ATRNL1: variants seen among roughly 807,000 people sequenced by gnomAD.
ATRNL1 encodes the protein attractin-like protein 1.
A neutral mutation model predicts 182.7 loss-of-function variants in ATRNL1; 95 were observed. That is an observed-to-expected ratio of 0.52 (90% CI 0.44 to 0.62). The LOEUF is 0.62. Ranked by LOEUF, ATRNL1 falls within the 20% of genes least tolerant of loss-of-function variation. The probability of loss-of-function intolerance (pLI) is 0.00; values close to 1 mark genes in which losing one functional copy is unlikely to be tolerated. For missense variants in ATRNL1, 1,471 were observed against 1,679.5 expected, an observed-to-expected ratio of 0.88 and a Z score of 2.17; for synonymous variants, 576 against 568.3, an observed-to-expected ratio of 1.01 and a Z score of -0.19.
intron 28 of ATRNL1, among the ~76,000 whole-genome samples, chr10:115,854,727 A>C (rs935924847): frequency 2.0e-5 from 3 of 152,178 alleles, no homozygotes; most frequent in Non-Finnish European, 4.4e-5. Flanking sequence ...AGAATGGCTC[A>C]AGTTTGAAAC....
intron 27 of ATRNL1, among the ~76,000 whole-genome samples, chr10:115,841,614 CA>C (rs1161863920): frequency 1.3e-5 from 2 of 152,064 alleles, no homozygotes; most frequent in Non-Finnish European, 2.9e-5. Flanking sequence ...GCTTCTAATG[CA>C]ATTTAACCCT....
intron 21 of ATRNL1, among the ~76,000 whole-genome samples, chr10:115,453,125 T>A (rs527315444): frequency 1.3e-5 from 2 of 152,300 alleles, no homozygotes; most frequent in South Asian, 4.1e-4. Flanking sequence ...CCATGTCTTG[T>A]CTATTGAGAA....
At chr10:115,204,074 C>CT (rs752335173) in intron 8 of ATRNL1, among the ~76,000 whole-genome samples, 3 of 151,652 alleles carry the variant, frequency 2.0e-5, no homozygotes, top group Admixed American at 6.6e-5. Context: ...GTAAAGGGAT[C>CT]TTTTTTGGTT....
chr10:115,379,477 G>A (rs1288983052), intron 19 of ATRNL1, among the ~76,000 whole-genome samples: 1 of 152,158 alleles, frequency 6.6e-6, no homozygotes, highest in Non-Finnish European at 1.5e-5. Context: ...AATGTGGCAA[G>A]CATAACTAGT....
At chr10:115,582,472 G>A (rs1195208361) in intron 26 of ATRNL1, among the ~76,000 whole-genome samples, 1 of 132,968 alleles carries the variant, frequency 7.5e-6, no homozygotes, top group Non-Finnish European at 1.6e-5. Context: ...TTGTGGTTTT[G>A]ATTTGCATTT....
intron 28 of ATRNL1, among the ~76,000 whole-genome samples, chr10:115,872,786 G>A (rs1555106402): frequency 6.6e-6 from 1 of 152,204 alleles, no homozygotes; most frequent in Non-Finnish European, 1.5e-5. Flanking sequence ...TGTAAATCAG[G>A]CAGATGCTTC....
At chr10:115,672,686 T>TA (rs1164279250) in intron 26 of ATRNL1, among the ~76,000 whole-genome samples, 1 of 152,026 alleles carries the variant, frequency 6.6e-6, no homozygotes, top group Non-Finnish European at 1.5e-5. Flanking sequence ...TGCTTATTAC[T>TA]AAAAAAAGAT....
intron 13 of ATRNL1, among the ~76,000 whole-genome samples, chr10:115,273,560 C>T (rs1350682435): frequency 6.6e-6 from 1 of 152,138 alleles, no homozygotes; most frequent in Non-Finnish European, 1.5e-5. Flanking sequence ...ACAGAATAAA[C>T]ATTGAGAAGC....
intron 21 of ATRNL1, among the ~76,000 whole-genome samples, chr10:115,428,904 C>T (rs1163754677): frequency 6.6e-6 from 1 of 152,054 alleles, no homozygotes; most frequent in Non-Finnish European, 1.5e-5. Flanking sequence ...TGCTTAACTA[C>T]TTTAGAAACT....
intron 25 of ATRNL1, among the ~76,000 whole-genome samples, chr10:115,542,882 G>A (rs1460785406): frequency 2.0e-5 from 3 of 152,134 alleles, no homozygotes; most frequent in Non-Finnish European, 4.4e-5. Context: ...CTCCATGCAT[G>A]CAGGAAGAGA....
rs986954332 is a variant in ATRNL1 at position 115,705,255 on chromosome 10, T to C, written c.3796-21993T>C. 3.9e-5 allele frequency among the ~76,000 whole-genome samples: 6 copies of C among 151,970 alleles called. No individual in the cohort carries two copies. In the South Asian group the frequency reaches 1.0e-3, roughly 26 times the overall value. On this transcript the variant is annotated intron_variant, in intron 26 of 28. Transcript: ENST00000355044. ...AGAACTAAAAATACTGTCTGTATGCTTCTATTTTTCAAGCACAAGTACACA... is the reference window on the plus strand; with the variant it reads ...AGAACTAAAAATACTGTCTGTATGCCTCTATTTTTCAAGCACAAGTACACA...
At chr10:115,770,849 C>T (rs1162219788) in intron 27 of ATRNL1, among the ~76,000 whole-genome samples, 2 of 152,084 alleles carry the variant, frequency 1.3e-5, no homozygotes, top group East Asian at 3.8e-4. Flanking sequence ...GATAGATTTT[C>T]TCATTATACC....
At chr10:115,477,258 A>G (rs549092820) in intron 24 of ATRNL1, among the ~76,000 whole-genome samples, 2 of 151,724 alleles carry the variant, frequency 1.3e-5, no homozygotes, top group South Asian at 4.1e-4. Flanking sequence ...GAAATCGTGC[A>G]TGACTAACAA....
At position 115,727,344 on chromosome 10, in the gene ATRNL1, G is replaced by A. The variant is rs782090354; in HGVS notation, c.3892G>A (p.Gly1298Arg). The A allele has an allele frequency of 6.8e-6, 11 of 1,613,782 alleles. No individual in the cohort carries two copies. Among genetic ancestry groups the A allele is most frequent in the South Asian group, 1.1e-5 (1 of 91,040 alleles). Residue 1298 changes from glycine to arginine, a missense_variant, in exon 27 of 29, where the codon GGG becomes AGG. By Grantham distance (125) the Gly-to-Arg change is moderately radical. This residue lies in a region of ATRNL1 where 437 missense variants were observed against 506.0 expected (regional missense o/e 0.86). Transcript: ENST00000355044. Reference sequence around the variant, plus strand: ...AGCTGAACAAACAGAGTTTCTGCGAGGGCCATTAGAGGTAGGAACAGCGGT... The same window carrying A: ...AGCTGAACAAACAGAGTTTCTGCGAAGGCCATTAGAGGTAGGAACAGCGGT... ...VGAEQTEFLR[G>R]PLEGAPKPIA...
At chr10:115,874,763 A>C (rs371375566) in intron 28 of ATRNL1, among the ~76,000 whole-genome samples, 1 of 152,328 alleles carries the variant, frequency 6.6e-6, no homozygotes, top group South Asian at 2.1e-4. Flanking sequence ...ACATGAGCAA[A>C]GGAGACTCAG....
chr10:115,541,493 A>G (rs987902433), intron 25 of ATRNL1, among the ~76,000 whole-genome samples: 5 of 152,226 alleles, frequency 3.3e-5, no homozygotes, highest in Non-Finnish European at 7.3e-5. Context: ...TTGACATTAT[A>G]TTCTAAAGTT....
intron 26 of ATRNL1, among the ~76,000 whole-genome samples, chr10:115,586,773 C>G (rs1203927250): frequency 8.4e-6 from 1 of 118,372 alleles, no homozygotes; most frequent in East Asian, 4.3e-4. Context: ...CATTCTCCGT[C>G]CAGCTTTGTT....
At chr10:115,631,158 T>A (rs1478134739) in intron 26 of ATRNL1, among the ~76,000 whole-genome samples, 1 of 151,918 alleles carries the variant, frequency 6.6e-6, no homozygotes, top group East Asian at 1.9e-4. Flanking sequence ...ATGTGCAGCA[T>A]GGGGAGTATA....
At chr10:115,837,765 G>A (rs1290778345) in intron 27 of ATRNL1, among the ~76,000 whole-genome samples, 3 of 152,146 alleles carry the variant, frequency 2.0e-5, no homozygotes, top group Non-Finnish European at 4.4e-5. Context: ...GACCAAGCCA[G>A]AGAGAATGAC....
Sources: gnomAD v4.1 joint callset for allele counts (sites outside exome capture counted in the v4.1 genomes callset) on GRCh38, gnomAD v4.1.1 for gene constraint, gnomAD v4.1.1 regional missense constraint, MANE v1.5 for transcripts, NCBI Gene and HGNC (gene_info 2026-07-23, HGNC 2026-07-21) for gene names.